The following FUT9 variants were observed in gnomAD, a reference collection of about 807,000 sequenced individuals.
FUT9 encodes 4-galactosyl-N-acetylglucosaminide 3-alpha-L-fucosyltransferase 9.
Under a neutral mutation model 29.7 loss-of-function variants are expected in FUT9, and 15 were observed. The observed-to-expected ratio is 0.51, with a 90% CI of 0.34 to 0.78. The LOEUF is 0.78. FUT9 is among the 30% of genes least tolerant of loss of function. The pLI, the probability that FUT9 is intolerant of heterozygous loss-of-function variation, is 0.01. For missense variants in FUT9, 319 were observed against 425.4 expected (o/e 0.75, Z 2.20); for synonymous variants, 169 against 153.7 (o/e 1.10, Z -0.74).
rs569458491 is a variant in FUT9, at chr6:96,197,802, C to T, written c.-8-5346C>T. 1.2e-4 allele frequency among the ~76,000 whole-genome samples: 18 copies of T among 152,188 alleles called. No homozygotes were observed. In the South Asian group the frequency reaches 3.7e-3, roughly 32 times the overall value. ...TAGTGGCTGCAATCTGGGAATAATG[C>T]CCCAAGTCACAAATTACAAGCTCAG... On this transcript the variant is annotated intron_variant, in intron 2 of 2. Transcript: ENST00000302103.
At chr6:96,057,191 T>C (rs969171913) in intron 1 of FUT9, among the ~76,000 whole-genome samples, 1 of 152,228 alleles carries the variant, frequency 6.6e-6, no homozygotes, top group African/African-American at 2.4e-5. Context: ...TAATTCTTAA[T>C]TGTGGATAAT....
intron 1 of FUT9, among the ~76,000 whole-genome samples, chr6:96,069,691 G>A (rs1031541809): frequency 4.6e-5 from 7 of 151,370 alleles, no homozygotes; most frequent in African/African-American, 1.7e-4. Context: ...GAGTGCAGTG[G>A]TGCGATCTTG....
chr6:96,072,455 A>AT (rs1771078375), intron 1 of FUT9, among the ~76,000 whole-genome samples: 1 of 152,120 alleles, frequency 6.6e-6, no homozygotes, highest in Non-Finnish European at 1.5e-5. Flanking sequence ...CTGAAAGAGC[A>AT]TTTTTTTCCT....
chr6:96,189,231 G>T (rs1055404159), intron 2 of FUT9, among the ~76,000 whole-genome samples: 1 of 151,962 alleles, frequency 6.6e-6, no homozygotes, highest in African/African-American at 2.4e-5. Context: ...GAGAGGTGAG[G>T]GCTGGTGGAG....
At chr6:96,203,114 G>T in intron 2 of FUT9, 34 bp from the exon 3 acceptor site, 1 of 1,493,130 alleles carries the variant, frequency 6.7e-7, no homozygotes, top group Non-Finnish European at 9.0e-7. Flanking sequence ...CATTCCCACC[G>T]CTACCTCCCC....
intron 1 of FUT9, among the ~76,000 whole-genome samples, chr6:96,049,909 T>C (rs770174102): frequency 6.6e-6 from 1 of 152,210 alleles, no homozygotes; most frequent in Non-Finnish European, 1.5e-5. Flanking sequence ...ATATGCTATC[T>C]GTCATTTATT....
chr6:96,108,614 T>C (rs1262792167), intron 1 of FUT9, among the ~76,000 whole-genome samples: 1 of 152,176 alleles, frequency 6.6e-6, no homozygotes, highest in Non-Finnish European at 1.5e-5. Flanking sequence ...GCCTTGTGCA[T>C]GTCTTCCATT....
chr6:96,162,412 C>T (rs577864115), intron 2 of FUT9, among the ~76,000 whole-genome samples: 12 of 152,274 alleles, frequency 7.9e-5, no homozygotes, highest in African/African-American at 2.9e-4. Context: ...ATCCTCTCTT[C>T]TAGGTATTGG....
intron 2 of FUT9, among the ~76,000 whole-genome samples, chr6:96,200,286 A>G (rs1773705372): frequency 6.6e-6 from 1 of 152,198 alleles, no homozygotes; most frequent in African/African-American, 2.4e-5. Context: ...TAATTACAGA[A>G]TAAAAGGTAG....
At chr6:96,052,156 AC>A (rs1770682520) in intron 1 of FUT9, among the ~76,000 whole-genome samples, 1 of 151,998 alleles carries the variant, frequency 6.6e-6, no homozygotes, top group Admixed American at 6.6e-5. Context: ...AAGGGGGAAA[AC>A]CCCTTATAAA....
At chr6:96,125,647 G>C (rs1161135515) in intron 2 of FUT9, among the ~76,000 whole-genome samples, 1 of 152,136 alleles carries the variant, frequency 6.6e-6, no homozygotes, top group African/African-American at 2.4e-5. Flanking sequence ...GGAGGGAACA[G>C]GGCTAGAATT....
chr6:96,214,586 T>C lies in FUT9; in HGVS notation c.*10351T>C, dbSNP rs1774001586. 1 of 166,912 alleles carries C rather than the reference T, an allele frequency of 6.0e-6. No homozygotes were observed. The highest frequency in any genetic ancestry group is 1.5e-5 in the Non-Finnish European group (1 of 68,070). The allele number at this position is 166,912 out of a possible 1,614,324, so 10.3% of individuals were successfully genotyped here. On this transcript the variant is annotated 3_prime_UTR_variant, in exon 3 of 3. Coordinates refer to ENST00000302103, the MANE Select transcript of FUT9 (RefSeq NM_006581.4). ...ATTCCATTTAATGAAGGGTTTGTTT[T>C]GTTTAGCTTTTCTCTTTTATTCAGA...
intron 2 of FUT9, among the ~76,000 whole-genome samples, chr6:96,170,002 A>T (rs1258954970): frequency 1.3e-5 from 2 of 152,148 alleles, no homozygotes; most frequent in Non-Finnish European, 1.5e-5. Flanking sequence ...CAACCCTGAA[A>T]ACAAATAGGA....
chr6:96,078,408 CTTTTTTTTT>C (rs71012536), intron 1 of FUT9, among the ~76,000 whole-genome samples: 52 of 44,198 alleles, frequency 1.2e-3, no homozygotes, highest in African/African-American at 3.0e-3. Context: ...TATTAGTCTT[CTTTTTTTTT>C]TTTTTTTTTT....
intron 1 of FUT9, among the ~76,000 whole-genome samples, chr6:96,087,817 T>C (rs1410149425): frequency 6.6e-6 from 1 of 152,230 alleles, no homozygotes. Flanking sequence ...ACCACATGTT[T>C]ACCATTTCCA....
intron 1 of FUT9, among the ~76,000 whole-genome samples, chr6:96,054,014 T>C (rs1562109542): frequency 1.3e-5 from 2 of 152,214 alleles, no homozygotes; most frequent in Non-Finnish European, 2.9e-5. Flanking sequence ...TCTTGCTAAA[T>C]AAAGCACAGG....
At chr6:96,143,255 C>T (rs997734169) in intron 2 of FUT9, among the ~76,000 whole-genome samples, 3 of 152,184 alleles carry the variant, frequency 2.0e-5, no homozygotes, top group Non-Finnish European at 4.4e-5. Context: ...GAGAAGATGG[C>T]CCTCACCAGA....
intron 2 of FUT9, among the ~76,000 whole-genome samples, chr6:96,125,623 A>C (rs1440881512): frequency 6.6e-6 from 1 of 152,186 alleles, no homozygotes; most frequent in Non-Finnish European, 1.5e-5. Context: ...CGTTGGGTCA[A>C]GGATACATAG....
chr6:96,155,534 G>C (rs573618772), intron 2 of FUT9, among the ~76,000 whole-genome samples: 1 of 152,024 alleles, frequency 6.6e-6, no homozygotes, highest in Non-Finnish European at 1.5e-5. Context: ...TTAGCTGGGC[G>C]TGGTGGCAGG....
Sources: gnomAD v4.1 joint callset for allele counts (sites outside exome capture counted in the v4.1 genomes callset) on GRCh38, gnomAD v4.1.1 for gene constraint, MANE v1.5 for transcripts, NCBI Gene and HGNC (gene_info 2026-07-23, HGNC 2026-07-21) for gene names.